The following NOX4 variants were observed in gnomAD, a reference collection of about 807,000 sequenced individuals.
NOX4 encodes NADPH oxidase 4, also known as kidney oxidase-1.
NOX4 carries 69 observed loss-of-function variants against 87.6 expected under a neutral mutation model. The observed-to-expected ratio is 0.79, with a 90% CI of 0.65 to 0.96. NOX4 has a LOEUF of 0.96. Among genes scored for constraint, NOX4 ranks in the 40% least tolerant of loss-of-function variants. The pLI is 0.00. For missense variants in NOX4, 680 were observed against 681.5 expected (o/e 1.00, Z 0.02); for synonymous variants, 275 against 238.2 (o/e 1.15, Z -1.42).
the NOX4 span, among the ~76,000 whole-genome samples, chr11:89,518,485 C>T: frequency 1.3e-5 from 2 of 151,926 alleles, no homozygotes; most frequent in Non-Finnish European, 2.9e-5. Context: ...TTTAGGGATT[C>T]TATCGTAGTA....
intron 8 of NOX4, 41 bp downstream of exon 8, chr11:89,421,861 G>A (rs745519713): frequency 8.2e-7 from 1 of 1,225,640 alleles, no homozygotes; most frequent in Admixed American, 2.5e-5. Context: ...ACCCCATTTT[G>A]GGGCACAAAT....
chr11:89,330,613 A>C (rs969106922), intron 17 of NOX4, among the ~76,000 whole-genome samples: 2 of 149,700 alleles, frequency 1.3e-5, no homozygotes, highest in African/African-American at 4.9e-5. Flanking sequence ...AACAACCTAA[A>C]GCAATTACTA....
At chr11:89,581,299 G>A in the NOX4 span, among the ~76,000 whole-genome samples, 1 of 152,164 alleles carries the variant, frequency 6.6e-6, no homozygotes, top group South Asian at 2.1e-4. Context: ...TCAGGTTTGT[G>A]ATAACAGAAC....
At chr11:89,481,958 C>A (rs543950437) in intron 2 of NOX4, among the ~76,000 whole-genome samples, 1 of 152,190 alleles carries the variant, frequency 6.6e-6, no homozygotes, top group Admixed American at 6.6e-5. Context: ...ATATTCCCTA[C>A]TTCCTTTTCT....
intron 2 of NOX4, among the ~76,000 whole-genome samples, chr11:89,467,983 T>C (rs1945779720): frequency 6.6e-6 from 1 of 152,230 alleles, no homozygotes. Flanking sequence ...TAGGAGGGAT[T>C]CTGTTGTGAC....
At chr11:89,483,923 G>A (rs1368019079) in intron 2 of NOX4, among the ~76,000 whole-genome samples, 3 of 152,068 alleles carry the variant, frequency 2.0e-5, no homozygotes, top group Non-Finnish European at 4.4e-5. Context: ...TCTGGAACCA[G>A]GATCTTTGGG....
At chr11:89,490,128 A>G (rs772859761) in intron 2 of NOX4, among the ~76,000 whole-genome samples, 9 of 152,228 alleles carry the variant, frequency 5.9e-5, no homozygotes, top group Non-Finnish European at 1.3e-4. Context: ...AAAGCTTGTT[A>G]TTGGTTGATC....
In NOX4 at chr11:89,402,552, C is replaced by T; in HGVS notation, c.630-10G>A. The T allele has an allele frequency of 1.3e-6, 2 of 1,577,560 alleles. No individual in the cohort carries two copies. Among genetic ancestry groups the T allele is most frequent in the African/African-American group, 1.3e-5 (1 of 74,174 alleles). On this transcript the variant is annotated splice_polypyrimidine_tract_variant and intron_variant, in intron 8 of 17. Transcript: ENST00000263317. ...ATACTTCAGCAGCCCTCTAAAATTA[C>T]ATTTAAAACAAACAAACAGAGAAAT...
chr11:89,536,899 T>C, the NOX4 span, among the ~76,000 whole-genome samples: 1 of 152,196 alleles, frequency 6.6e-6, no homozygotes, highest in Non-Finnish European at 1.5e-5. Flanking sequence ...CTTTCTTCCA[T>C]ACCAGAATCA....
At chr11:89,449,623 G>T in intron 3 of NOX4, 99 bp from the exon 4 acceptor site, 1 of 842,206 alleles carries the variant, frequency 1.2e-6, no homozygotes, top group Non-Finnish European at 1.9e-6. Flanking sequence ...TTTAAAATAT[G>T]GCGGAAGCCT....
the NOX4 span, among the ~76,000 whole-genome samples, chr11:89,557,393 C>A: frequency 1.3e-5 from 2 of 152,118 alleles, no homozygotes; most frequent in Non-Finnish European, 2.9e-5. Flanking sequence ...AAGGAGGGAC[C>A]CAAGCCAGGT....
intron 11 of NOX4, among the ~76,000 whole-genome samples, chr11:89,378,315 G>A (rs1940014277): frequency 6.6e-6 from 1 of 152,060 alleles, no homozygotes; most frequent in African/African-American, 2.4e-5. Flanking sequence ...CTCATTTAGA[G>A]TGACTTCCTT....
At chr11:89,378,905 A>T (rs548379618) in intron 11 of NOX4, among the ~76,000 whole-genome samples, 1 of 152,346 alleles carries the variant, frequency 6.6e-6, no homozygotes, top group South Asian at 2.1e-4. Flanking sequence ...TCATGACAGT[A>T]AACATTTTGA....
At chr11:89,532,206 A>G in the NOX4 span, among the ~76,000 whole-genome samples, 1 of 152,082 alleles carries the variant, frequency 6.6e-6, no homozygotes, top group Non-Finnish European at 1.5e-5. Context: ...AGAATGATAG[A>G]TTTACTGACA....
the NOX4 span, among the ~76,000 whole-genome samples, chr11:89,540,207 G>T: frequency 6.6e-6 from 1 of 152,098 alleles, no homozygotes; most frequent in Non-Finnish European, 1.5e-5. Context: ...GAAATACTTA[G>T]TCCAGAACAA....
the NOX4 span, among the ~76,000 whole-genome samples, chr11:89,511,462 T>C: frequency 1.3e-5 from 2 of 152,052 alleles, no homozygotes; most frequent in South Asian, 4.1e-4. Flanking sequence ...GAGATTAACA[T>C]CTTTAGATTC....
intron 13 of NOX4, among the ~76,000 whole-genome samples, chr11:89,352,367 T>C (rs2134964711): frequency 6.6e-6 from 1 of 152,280 alleles, no homozygotes; most frequent in African/African-American, 2.4e-5. Flanking sequence ...CCTGCTAACA[T>C]TACATCCATT....
chr11:89,383,473 G>T (rs112159770), intron 11 of NOX4, among the ~76,000 whole-genome samples: 1 of 152,098 alleles, frequency 6.6e-6, no homozygotes, highest in Non-Finnish European at 1.5e-5. Flanking sequence ...CTGCCCGATC[G>T]CCTCTGAAGC....
chr11:89,521,093 ATTG>A, the NOX4 span, among the ~76,000 whole-genome samples: 68 of 152,170 alleles, frequency 4.5e-4, no homozygotes, highest in Non-Finnish European at 8.1e-4. Context: ...AAAAATCAGT[ATTG>A]TTAGAATGGC....
Sources: gnomAD v4.1 joint callset for allele counts (sites outside exome capture counted in the v4.1 genomes callset) on GRCh38, gnomAD v4.1.1 for gene constraint, MANE v1.5 for transcripts, NCBI Gene and HGNC (gene_info 2026-07-23, HGNC 2026-07-21) for gene names.